PRPF3: variants seen among roughly 807,000 people sequenced by gnomAD.
The protein encoded by PRPF3 is pre-mRNA processing factor 3.
A neutral mutation model predicts 89.2 loss-of-function variants in PRPF3; 3 were observed. That is an observed-to-expected ratio of 0.03 (90% CI 0.02 to 0.09). The LOEUF (loss-of-function observed/expected upper bound fraction) is 0.09, where lower values mean the gene tolerates loss of function less well. PRPF3 is among the 10% of genes least tolerant of loss of function. The pLI is 1.00. For missense variants in PRPF3, 463 were observed against 828.8 expected (o/e 0.56, Z 5.42); for synonymous variants, 270 against 289.1 (o/e 0.93, Z 0.67).
Position 150,338,268 on chromosome 1 carries a change from G to A in PRPF3, c.1144G>A (p.Gly382Arg). The change falls in exon 8 of 16, where the codon GGA becomes AGA. Residue 382 changes from glycine (G) to arginine (R), a missense_variant. By Grantham distance (125) the Gly-to-Arg change is moderately radical. Around this residue, in one of 8 missense-constraint regions of PRPF3, gnomAD observed 261 missense variants for 475.8 expected, o/e 0.55. Transcript: ENST00000324862. Reference sequence around the variant, plus strand: ...TGCTCCTAAGAAGGAGCTAAAGGAAGGAGATATTCCTGAAATTGAGTGGTG... The same window carrying A: ...TGCTCCTAAGAAGGAGCTAAAGGAAAGAGATATTCCTGAAATTGAGTGGTG... ...LIAPKKELKE[G>R]DIPEIEWWDS... 10 of 1,614,088 alleles carry A rather than the reference G, an allele frequency of 6.2e-6. No individual in the cohort carries two copies. The highest frequency in any genetic ancestry group is 8.5e-6 in the Non-Finnish European group (10 of 1,179,982).
intron 4 of PRPF3, among the ~76,000 whole-genome samples, chr1:150,330,674 G>T (rs2101963498): frequency 6.6e-6 from 1 of 150,428 alleles, no homozygotes; most frequent in East Asian, 2.0e-4. Context: ...TTTTTATGGA[G>T]AATGGGGATG....
Position 150,352,824 on chromosome 1 carries a change from C to G in PRPF3, c.1906-9C>G. On this transcript the variant is annotated splice_polypyrimidine_tract_variant and intron_variant, in intron 15 of 15. Transcript: ENST00000324862. ...ATTGAAGTGTTTTTATTATATATCT[C>G]TTTTCTAGGGTACAGCCAAAGACCG... 15 of 1,613,702 alleles carry G rather than the reference C, an allele frequency of 9.3e-6. No homozygotes were observed. The highest frequency in any genetic ancestry group is 1.3e-5 in the Non-Finnish European group (15 of 1,179,706).
At chr1:150,343,001 T>C (rs1560111791) in intron 9 of PRPF3, 1 of 156,178 alleles carries the variant, frequency 6.4e-6, no homozygotes, top group Non-Finnish European at 1.4e-5. Flanking sequence ...GATATTTACC[T>C]AGGTTTCTTT....
intron 8 of PRPF3, among the ~76,000 whole-genome samples, chr1:150,340,042 A>T (rs1657523972): frequency 6.6e-6 from 1 of 152,098 alleles, no homozygotes; most frequent in South Asian, 2.1e-4. Flanking sequence ...ATTCTGATAC[A>T]TGGCTTTAGT....
At chr1:150,344,373 C>T (rs781794565) in intron 11 of PRPF3, 61 bp from the exon 12 acceptor site, 1 of 1,614,076 alleles carries the variant, frequency 6.2e-7, no homozygotes, top group Non-Finnish European at 8.5e-7. Context: ...CTCTTTCCCT[C>T]AGCCCTGCCT....
In PRPF3 at chr1:150,328,486, A is replaced by G; in HGVS notation, c.423+20A>G. The G allele has an allele frequency of 6.2e-7, 1 of 1,610,554 alleles. No homozygotes were observed. Among genetic ancestry groups the G allele is most frequent in the Non-Finnish European group, 8.5e-7 (1 of 1,178,076 alleles). On this transcript the variant is annotated intron_variant, in intron 4 of 15. Transcript: ENST00000324862. ...CTCCAGGTTAGTGATTAGGGACTGG[A>G]AGCAAAGTGGTTTTGTGAGTTGAAG...
intron 14 of PRPF3, among the ~76,000 whole-genome samples, chr1:150,347,265 TACAC>T (rs1161858898): frequency 2.7e-5 from 4 of 149,298 alleles, no homozygotes; most frequent in South Asian, 2.1e-4. Context: ...TATACACACA[TACAC>T]ATACATACAC....
intron 4 of PRPF3, chr1:150,330,398 T>G (rs144892681): frequency 6.8e-6 from 1 of 146,802 alleles, no homozygotes; most frequent in African/African-American, 2.6e-5. Context: ...CTCTGTCACT[T>G]AGGCTGGAGT....
chr1:150,341,695 C>T (rs587694088), intron 9 of PRPF3, among the ~76,000 whole-genome samples: 15 of 132,996 alleles, frequency 1.1e-4, no homozygotes, highest in South Asian at 7.0e-4. Flanking sequence ...TGTGAGCCAC[C>T]GCGCCCGGCC....
intron 4 of PRPF3, among the ~76,000 whole-genome samples, chr1:150,331,696 C>A (rs1656420957): frequency 6.6e-6 from 1 of 152,042 alleles, no homozygotes. Flanking sequence ...GAATATATCA[C>A]CTATTCAAGA....
chr1:150,349,255 C>T lies in PRPF3; in HGVS notation c.1905+37C>T, dbSNP rs370345358. 9.7e-5 allele frequency: 141 copies of T among 1,458,844 alleles called. 4 individuals carry two copies. The South Asian group carries it at 1.5e-3, about 15-fold the overall frequency. 90.4% of individuals were successfully genotyped at this position (1,458,844 alleles called of 1,614,324 possible). A position where few individuals can be genotyped will look rare whatever the true frequency, so the allele number is the denominator to read the frequency against. On this transcript the variant is annotated intron_variant, in intron 15 of 15. Transcript: ENST00000324862. ...TTTGTAAAACATTGTAAAACTTTAG[C>T]CAACTCCTGAATATTTATACTATTT...
rs373344914 is a variant in PRPF3, at chr1:150,340,400, C to G, written c.1205C>G (p.Thr402Arg). The G allele has an allele frequency of 6.3e-7, 1 of 1,589,580 alleles. No homozygotes were observed. The highest frequency in any genetic ancestry group is 8.6e-7 in the Non-Finnish European group (1 of 1,158,044). Residue 402 changes from threonine to arginine, a missense_variant and splice_region_variant, in exon 9 of 16, where the codon ACA (threonine) becomes AGA (arginine). Physicochemically the swap from Thr to Arg is moderately conservative, Grantham distance 71. Coordinates refer to ENST00000324862, the MANE Select transcript of PRPF3 (RefSeq NM_004698.4). ...TTCTTTTCTTCCTACAATTTTAGTACAGAGGAAAATCCCAAGAGAGAAGAT... is the reference window on the plus strand; with the variant it reads ...TTCTTTTCTTCCTACAATTTTAGTAGAGAGGAAAATCCCAAGAGAGAAGAT... ...SYIIPNGFDL[T>R]EENPKREDYF...
At chr1:150,344,052 G>C (rs1251854232) in intron 10 of PRPF3, 110 bp from the exon 11 acceptor site, 5 of 947,852 alleles carry the variant, frequency 5.3e-6, no homozygotes, top group African/African-American at 1.6e-5. Context: ...TGAGTTTAGA[G>C]CAGAGATTTG....
At chr1:150,343,744 G>A (rs587644606) in intron 10 of PRPF3, among the ~76,000 whole-genome samples, 1 of 152,250 alleles carries the variant, frequency 6.6e-6, no homozygotes, top group Admixed American at 6.5e-5. Flanking sequence ...TATTTGCGTA[G>A]ACTTTTTATG....
In PRPF3 at chr1:150,331,395, C is replaced by T. The variant is rs1392561444; in HGVS notation, c.424-1289C>T. Among the ~76,000 whole-genome samples, 6 of 150,902 alleles carry T rather than the reference C, an allele frequency of 4.0e-5. No homozygotes were observed. The South Asian group carries it at 1.0e-3, about 26-fold the overall frequency. On this transcript the variant is annotated intron_variant, in intron 4 of 15. Coordinates refer to ENST00000324862, the MANE Select transcript of PRPF3 (RefSeq NM_004698.4). ...CTTTACTTATTTAGAGATGGAGTCT[C>T]CCCCTGTTGTCCAGGCTGGAGTGCA... is the stretch of plus-strand genomic sequence containing the variant.
At chr1:150,344,330 A>T in intron 11 of PRPF3, 69 bp downstream of exon 11, 2 of 1,613,766 alleles carry the variant, frequency 1.2e-6, no homozygotes, top group Non-Finnish European at 1.7e-6. Context: ...GGGGGTCCAT[A>T]TTTGGAGGGA....
At chr1:150,348,466 T>TTTTATTTTTTTTTTA (rs1467567249) in intron 14 of PRPF3, among the ~76,000 whole-genome samples, 3 of 110,456 alleles carry the variant, frequency 2.7e-5, no homozygotes, top group African/African-American at 1.1e-4. Flanking sequence ...GTGCATTTTT[T>TTTTATTTTTTTTTTA]TTTTTTTTTT....
Position 150,339,003 on chromosome 1 carries a change from T to C in PRPF3, c.1202+677T>C, listed in dbSNP as rs1572243305. Among the ~76,000 whole-genome samples, 5 of 152,118 alleles carry C rather than the reference T, an allele frequency of 3.3e-5. No individual in the cohort carries two copies. The South Asian group carries it at 1.0e-3, about 32-fold the overall frequency. ...ATTCTTTTGCTACGTATTATAGGTG[T>C]TTACATTTCCTAAAGATCTCATTGT... On this transcript the variant is annotated intron_variant, in intron 8 of 15. Transcript: ENST00000324862.
chr1:150,337,750 T>G (rs1657193679), intron 7 of PRPF3, among the ~76,000 whole-genome samples: 2 of 128,750 alleles, frequency 1.6e-5, no homozygotes, highest in Admixed American at 1.7e-4. Flanking sequence ...GGTGACAGAG[T>G]GAGACTCCGT....
Sources: gnomAD v4.1 joint callset for allele counts (sites outside exome capture counted in the v4.1 genomes callset) on GRCh38, gnomAD v4.1.1 for gene constraint, gnomAD v4.1.1 regional missense constraint, MANE v1.5 for transcripts, NCBI Gene and HGNC (gene_info 2026-07-23, HGNC 2026-07-21) for gene names.